Variants in GRK5 observed in about 807,000 individuals in gnomAD.
The protein encoded by GRK5 is G protein-coupled receptor kinase 5.
In GRK5, 40 loss-of-function variants were observed where a neutral mutation model predicts 78.4. The ratio of observed to expected loss-of-function variants is 0.51; its 90% CI spans 0.40 to 0.66. The LOEUF (loss-of-function observed/expected upper bound fraction) is 0.66, where lower values mean the gene tolerates loss of function less well. Ranked by LOEUF, GRK5 falls within the 30% of genes least tolerant of loss-of-function variation. The pLI, the probability that GRK5 is intolerant of heterozygous loss-of-function variation, is 0.00. For synonymous variants in GRK5, 289 were observed against 296.8 expected (o/e 0.97, Z 0.27); for missense variants, 598 against 759.9 (o/e 0.79, Z 2.50).
chr10:119,428,524 T>C (rs1192436832), intron 6 of GRK5, among the ~76,000 whole-genome samples: 1 of 152,056 alleles, frequency 6.6e-6, no homozygotes, highest in African/African-American at 2.4e-5. Flanking sequence ...CTCAGAGGAG[T>C]TGGAGCAGCC....
At chr10:119,213,441 G>A (rs972776612) in intron 1 of GRK5, among the ~76,000 whole-genome samples, 1 of 152,166 alleles carries the variant, frequency 6.6e-6, no homozygotes, top group Middle Eastern at 3.2e-3. Context: ...AACCTGGGAG[G>A]TGGAGATTGC....
chr10:119,344,872 C>CCCTCCCTTCCTTCCTTCCTT (rs1851053419), intron 2 of GRK5, among the ~76,000 whole-genome samples: 1 of 73,720 alleles, frequency 1.4e-5, no homozygotes, highest in Non-Finnish European at 2.7e-5. Context: ...ACAAGACCCA[C>CCCTCCCTTCCTTCCTTCCTT]CCTTCCTTCC....
At chr10:119,447,685 G>A (rs1446134824) in intron 12 of GRK5, among the ~76,000 whole-genome samples, 1 of 152,220 alleles carries the variant, frequency 6.6e-6, no homozygotes, top group African/African-American at 2.4e-5. Context: ...AGCACTCCTA[G>A]AGGCCAAGTG....
intron 1 of GRK5, among the ~76,000 whole-genome samples, chr10:119,240,262 A>G (rs373859184): frequency 4.5e-3 from 566 of 126,462 alleles, no homozygotes; most frequent in Non-Finnish European, 7.5e-3. Flanking sequence ...GTGCAGTGGC[A>G]GGATCTCCGC....
chr10:119,447,640 C>T (rs997469870), intron 12 of GRK5, among the ~76,000 whole-genome samples: 7 of 152,158 alleles, frequency 4.6e-5, no homozygotes, highest in East Asian at 1.9e-4. Context: ...CACCTTGATG[C>T]GTCCTCTGAG....
chr10:119,313,188 A>ATGATGGTGGTGGTAATGGTGGTGG (rs1564887269), intron 1 of GRK5, among the ~76,000 whole-genome samples: 28 of 136,004 alleles, frequency 2.1e-4, no homozygotes, highest in Admixed American at 5.0e-4. Context: ...GATGGTGATG[A>ATGATGGTGGTGGTAATGGTGGTGG]TGATGGTGGT....
chr10:119,340,001 C>G (rs1850957073), intron 2 of GRK5, among the ~76,000 whole-genome samples: 1 of 152,174 alleles, frequency 6.6e-6, no homozygotes, highest in South Asian at 2.1e-4. Context: ...CGTTTCCAGC[C>G]AGCAGTAGAA....
intron 3 of GRK5, among the ~76,000 whole-genome samples, chr10:119,394,849 G>T (rs1399565750): frequency 6.6e-6 from 1 of 151,372 alleles, no homozygotes; most frequent in Non-Finnish European, 1.5e-5. Context: ...GCACGTGTGT[G>T]TGCACACATG....
intron 2 of GRK5, among the ~76,000 whole-genome samples, chr10:119,343,818 G>GAGAGCAA (rs1301451616): frequency 6.6e-6 from 1 of 152,214 alleles, no homozygotes; most frequent in Non-Finnish European, 1.5e-5. Flanking sequence ...GGAGAGAGCA[G>GAGAGCAA]AGAGCAAAGG....
intron 3 of GRK5, among the ~76,000 whole-genome samples, chr10:119,385,043 TGGTGAAAG>T (rs1365027167): frequency 1.3e-5 from 2 of 151,226 alleles, no homozygotes; most frequent in African/African-American, 4.9e-5. Flanking sequence ...AGTGAATATG[TGGTGAAAG>T]GGTGTTACAG....
chr10:119,207,845 G>C lies in GRK5; in HGVS notation c.-73G>C, dbSNP rs2133690026. ...CAGCAGCGGCGGCAGCCCGAGCAGC[G>C]GCAGCAGCAGCGGCAGCACCCCAGG... is the stretch of plus-strand genomic sequence containing the variant. On this transcript the variant is annotated 5_prime_UTR_variant, in exon 1 of 16. Transcript: ENST00000392870. 1 of 1,422,476 alleles carries C rather than the reference G, an allele frequency of 7.0e-7. No individual in the cohort carries two copies. 88.1% of individuals were successfully genotyped at this position (1,422,476 alleles called of 1,614,324 possible). A position where few individuals can be genotyped will look rare whatever the true frequency, so the allele number is the denominator to read the frequency against.
chr10:119,226,884 T>C (rs1371109877), intron 1 of GRK5, among the ~76,000 whole-genome samples: 9 of 150,084 alleles, frequency 6.0e-5, no homozygotes, highest in Non-Finnish European at 8.9e-5. Context: ...TTTGAGATGG[T>C]GTCTTGCTTT....
At chr10:119,232,616 T>C (rs1848849275) in intron 1 of GRK5, among the ~76,000 whole-genome samples, 1 of 152,138 alleles carries the variant, frequency 6.6e-6, no homozygotes, top group African/African-American at 2.4e-5. Context: ...TGATAGTAAG[T>C]CTCACAAGAT....
At chr10:119,338,245 G>T (rs58918380) in intron 2 of GRK5, among the ~76,000 whole-genome samples, 176 of 152,320 alleles carry the variant, frequency 1.2e-3, no homozygotes, top group African/African-American at 4.2e-3. Flanking sequence ...CACTTCCCCA[G>T]TGGACCACAG....
intron 6 of GRK5, among the ~76,000 whole-genome samples, chr10:119,429,362 C>T (rs1852771050): frequency 1.0e-3 from 1 of 974 alleles, no homozygotes; most frequent in South Asian, 0.25. Context: ...TTCTTTGGCC[C>T]AGTTCTGCTC....
chr10:119,452,136 G>A lies in GRK5; in HGVS notation c.1405-535G>A, dbSNP rs1249157696. Among the ~76,000 whole-genome samples, 3 of 152,180 alleles carry A rather than the reference G, an allele frequency of 2.0e-5. No individual in the cohort carries two copies. Among genetic ancestry groups the A allele is most frequent in the Admixed American group, 6.5e-5 (1 of 15,290 alleles). On this transcript the variant is annotated intron_variant, in intron 13 of 15. Transcript: ENST00000392870. This position sits in a 1 kb window ranked among gnomAD's most constrained non-coding sequence, Gnocchi z 4.4. ...CATAATAATACCAGCTCCCAGTTAC[G>A]GGCGCCAGGCTCGGTGGCCAGCACT...
chr10:119,387,766 T>C (rs2133839022), intron 3 of GRK5, among the ~76,000 whole-genome samples: 1 of 152,302 alleles, frequency 6.6e-6, no homozygotes, highest in South Asian at 2.1e-4. Flanking sequence ...TTCAGGTCTC[T>C]TCTCTTTGGG....
intron 13 of GRK5, among the ~76,000 whole-genome samples, chr10:119,450,034 A>G (rs1490783056): frequency 6.6e-6 from 1 of 152,134 alleles, no homozygotes; most frequent in Non-Finnish European, 1.5e-5. Flanking sequence ...GAGAGTCACT[A>G]TTATGGGAAG....
intron 3 of GRK5, among the ~76,000 whole-genome samples, chr10:119,394,133 GGTATC>G (rs1851939401): frequency 5.0e-5 from 4 of 79,584 alleles, no homozygotes; most frequent in East Asian, 3.0e-4. Flanking sequence ...TGTGTGTGTG[GGTATC>G]TGTGGGTATG....
Sources: gnomAD v4.1 joint callset for allele counts (sites outside exome capture counted in the v4.1 genomes callset) on GRCh38, gnomAD v4.1.1 for gene constraint, Gnocchi (gnomAD v3.1) non-coding constraint, MANE v1.5 for transcripts, NCBI Gene and HGNC (gene_info 2026-07-23, HGNC 2026-07-21) for gene names.